PCDHGA7: variants seen among roughly 807,000 people sequenced by gnomAD.
PCDHGA7 encodes protocadherin gamma-A7.
A neutral mutation model predicts 58.3 loss-of-function variants in PCDHGA7; 44 were observed. The observed-to-expected ratio is 0.75, with a 90% CI of 0.59 to 0.97. The LOEUF (loss-of-function observed/expected upper bound fraction) is 0.97, where lower values mean the gene tolerates loss of function less well. Ranked by LOEUF, PCDHGA7 falls within the 50% of genes least tolerant of loss-of-function variation. The pLI, the probability that PCDHGA7 is intolerant of heterozygous loss-of-function variation, is 0.00. For synonymous variants in PCDHGA7, 516 were observed against 504.2 expected (o/e 1.02, Z -0.31); for missense variants, 1,266 against 1,188.7 (o/e 1.06, Z -0.96).
intron 1 of PCDHGA7, among the ~76,000 whole-genome samples, chr5:141,484,627 A>G (rs866882607): frequency 5.3e-5 from 8 of 152,162 alleles, no homozygotes; most frequent in Middle Eastern, 3.4e-3. Flanking sequence ...TGGCTTGAAC[A>G]AAGTGACCAC....
intron 1 of PCDHGA7, among the ~76,000 whole-genome samples, chr5:141,488,289 TAAGTGAA>T (rs1389982829): frequency 6.6e-6 from 1 of 152,186 alleles, no homozygotes; most frequent in Non-Finnish European, 1.5e-5. Context: ...GAAAAAACAG[TAAGTGAA>T]ATCACTTATG....
At chr5:141,418,127 A>T in intron 1 of PCDHGA7, 1 of 1,614,104 alleles carries the variant, frequency 6.2e-7, no homozygotes, top group Non-Finnish European at 8.5e-7. Context: ...GAAGGACCGA[A>T]TAGACCGTGA....
chr5:141,475,749 A>G (rs1039777629), intron 1 of PCDHGA7, among the ~76,000 whole-genome samples: 13 of 152,278 alleles, frequency 8.5e-5, no homozygotes, highest in Admixed American at 6.5e-5. Context: ...TAGGTTTCCT[A>G]TGCACCGATA....
chr5:141,441,937 C>T, intron 1 of PCDHGA7: 1 of 344,792 alleles, frequency 2.9e-6, no homozygotes, highest in Non-Finnish European at 5.6e-6. Context: ...GCTGTCCTAC[C>T]ACGTGCTGCA....
chr5:141,396,962 T>C (rs2150689685), intron 1 of PCDHGA7, among the ~76,000 whole-genome samples: 1 of 152,308 alleles, frequency 6.6e-6, no homozygotes, highest in South Asian at 2.1e-4. Flanking sequence ...ATCCTTACTC[T>C]CCCTAAAAAT....
At chr5:141,398,284 G>A (rs1462851627) in intron 1 of PCDHGA7, 1 of 1,400,106 alleles carries the variant, frequency 7.1e-7, no homozygotes, top group Non-Finnish European at 9.8e-7. Flanking sequence ...CCTCGCCACG[G>A]ACCTGGGGTT....
intron 1 of PCDHGA7, chr5:141,398,338 G>A (rs1261830149): frequency 4.4e-6 from 6 of 1,375,730 alleles, no homozygotes; most frequent in Non-Finnish European, 6.0e-6. Context: ...CGTCAGTTCG[G>A]AGAAGCCTTA....
chr5:141,411,366 T>C (rs559840924), intron 1 of PCDHGA7: 1 of 152,208 alleles, frequency 6.6e-6, no homozygotes, highest in South Asian at 2.1e-4. Flanking sequence ...AGCCCAAGAA[T>C]TGAGACCAGC....
intron 1 of PCDHGA7, among the ~76,000 whole-genome samples, chr5:141,466,008 G>C (rs1298363274): frequency 6.6e-6 from 1 of 151,970 alleles, no homozygotes; most frequent in Non-Finnish European, 1.5e-5. Flanking sequence ...TGTAGTCCCA[G>C]CTACTCGGGA....
chr5:141,412,902 T>G, intron 1 of PCDHGA7: 1 of 371,284 alleles, frequency 2.7e-6, no homozygotes, highest in East Asian at 4.2e-5. Flanking sequence ...TACTTTCCAT[T>G]GCATGTATCA....
Position 141,389,835 on chromosome 5 carries a change from C to T in PCDHGA7, c.2424+4512C>T, listed in dbSNP as rs1238547778. 4.3e-6 allele frequency: 7 copies of T among 1,614,002 alleles called. No homozygotes were observed. The South Asian group carries it at 7.7e-5, about 18-fold the overall frequency. On this transcript the variant is annotated intron_variant, in intron 1 of 3. Transcript: ENST00000518325. ...CGCCGTGCGTGACGGTGGACAGCCA[C>T]CACTCTCGGCCACTGCCACGTTGCA...
At chr5:141,415,935 C>T (rs2095972319) in intron 1 of PCDHGA7, 1 of 601,888 alleles carries the variant, frequency 1.7e-6, no homozygotes, top group Non-Finnish European at 2.4e-6. Flanking sequence ...TTTATATTTC[C>T]TCCTGGGTGG....
intron 1 of PCDHGA7, chr5:141,408,432 T>C (rs370073451): frequency 3.1e-6 from 5 of 1,613,972 alleles, no homozygotes; most frequent in Non-Finnish European, 4.2e-6. Flanking sequence ...CACTTCAGCG[T>C]AGACGCGGAG....
At chr5:141,394,552 G>T (rs368792885) in intron 1 of PCDHGA7, 4 of 1,614,070 alleles carry the variant, frequency 2.5e-6, no homozygotes, top group East Asian at 4.5e-5. Flanking sequence ...CTGGCGCCCC[G>T]CTCCGCAGAG....
At position 141,486,609 on chromosome 5, in the gene PCDHGA7, C is replaced by T; in HGVS notation, c.2425-8198C>T. The T allele has an allele frequency of 6.2e-7, 1 of 1,613,568 alleles. No homozygotes were observed. ...GGGGACCTGCTTTGCTCCCTTGCAG[C>T]CTCTGACCCAGACTCTGGCTTGAAT... On this transcript the variant is annotated intron_variant, in intron 1 of 3. Transcript: ENST00000518325. The surrounding 1 kb of genome is among the most constrained non-coding windows in gnomAD (Gnocchi z 5.0).
intron 1 of PCDHGA7, chr5:141,419,043 ATTC>A (rs560207463): frequency 6.2e-5 from 100 of 1,613,840 alleles, no homozygotes; most frequent in Non-Finnish European, 8.1e-5. Context: ...TTTAAGATTC[ATTC>A]TTCTTCTAAT....
chr5:141,389,658 G>T (rs750579245), intron 1 of PCDHGA7: 17 of 1,612,424 alleles, frequency 1.1e-5, no homozygotes, highest in Non-Finnish European at 8.5e-7. Flanking sequence ...GGTAGTGGCG[G>T]TGGACGCAGA....
At chr5:141,404,769 A>G in intron 1 of PCDHGA7, 2 of 1,611,124 alleles carry the variant, frequency 1.2e-6, no homozygotes, top group Non-Finnish European at 1.7e-6. Flanking sequence ...TGGCTCTCCT[A>G]CCGCCTATTC....
In PCDHGA7 at chr5:141,385,142, C is replaced by T. The variant is rs1420566063; in HGVS notation, c.2243C>T (p.Ala748Val). The T allele has an allele frequency of 1.2e-6, 2 of 1,614,210 alleles. No homozygotes were observed. The highest frequency in any genetic ancestry group is 1.7e-6 in the Non-Finnish European group (2 of 1,180,046). The change falls in exon 1 of 4, where the codon GCT (alanine) becomes GTT (valine). Residue 748 changes from alanine to valine, a missense_variant. Coordinates refer to ENST00000518325, the MANE Select transcript of PCDHGA7 (RefSeq NM_018920.4). ...TTTGTGGGCATGGACGGGGTGCAGG[C>T]TTTCCTGCAGACCTATTCCCATGAG... ...SHFVGMDGVQAFLQTYSHEVS... is the reference protein window; with the variant it reads ...SHFVGMDGVQVFLQTYSHEVS...
Sources: gnomAD v4.1 joint callset for allele counts (sites outside exome capture counted in the v4.1 genomes callset) on GRCh38, gnomAD v4.1.1 for gene constraint, Gnocchi (gnomAD v3.1) non-coding constraint, MANE v1.5 for transcripts, NCBI Gene and HGNC (gene_info 2026-07-23, HGNC 2026-07-21) for gene names.